The following P2RY10 variants were observed in gnomAD, a reference collection of about 807,000 sequenced individuals.
The protein encoded by P2RY10 is putative P2Y purinoceptor 10.
Under a neutral mutation model 12.1 loss-of-function variants are expected in P2RY10, and 4 were observed. The ratio of observed to expected loss-of-function variants is 0.33; its 90% CI spans 0.16 to 0.76. P2RY10 has a LOEUF of 0.76. P2RY10 is among the 30% of genes least tolerant of loss of function. The pLI is 0.61. For missense variants in P2RY10, 233 were observed against 264.6 expected (o/e 0.88, Z 0.83); for synonymous variants, 112 against 94.1 (o/e 1.19, Z -1.10).
chrX:78,948,885 T>C (rs906435963), intron 2 of P2RY10, among the ~76,000 whole-genome samples: 1 of 111,794 alleles, frequency 8.9e-6, no homozygotes, highest in Non-Finnish European at 1.9e-5. Context: ...GCACATAGAT[T>C]CATTCCACAT....
rs777107252 is a variant in P2RY10, at chrX:78,952,322, A to G, written c.-27A>G. On this transcript the variant is annotated 5_prime_UTR_variant, in exon 3 of 4. Coordinates refer to ENST00000171757, the MANE Select transcript of P2RY10 (RefSeq NM_014499.4). Reference sequence around the variant, plus strand: ...AGGAAGCATGTACCCTGGACAGAGCACTTCAAACTAGAGGTACCAAGAGTA... The same window carrying G: ...AGGAAGCATGTACCCTGGACAGAGCGCTTCAAACTAGAGGTACCAAGAGTA... 1 of 750,799 alleles carries G rather than the reference A, an allele frequency of 1.3e-6. No individual in the cohort carries two copies. The highest frequency in any genetic ancestry group is 8.8e-5 in the Admixed American group (1 of 11,305). The allele number at this position is 750,799 out of a possible 1,213,427, so 61.9% of individuals were successfully genotyped here.
At chrX:78,949,178 G>T in intron 2 of P2RY10, among the ~76,000 whole-genome samples, 1 of 111,155 alleles carries the variant, frequency 9.0e-6, no homozygotes, top group Non-Finnish European at 1.9e-5. Flanking sequence ...TTGGCCATTT[G>T]TATATCTTCT....
chrX:78,950,207 G>A (rs1239586870), intron 2 of P2RY10, among the ~76,000 whole-genome samples: 1 of 111,226 alleles, frequency 9.0e-6, no homozygotes, highest in African/African-American at 3.3e-5. Context: ...AAGATTTATG[G>A]AGTTGGTACC....
chrX:78,947,460 G>A (rs1300320032), intron 1 of P2RY10, among the ~76,000 whole-genome samples: 8 of 111,982 alleles, frequency 7.1e-5, no homozygotes, highest in Non-Finnish European at 1.3e-4. Flanking sequence ...ATACATCACA[G>A]GTAGAGTGAT....
At chrX:78,949,160 C>T (rs1311693139) in intron 2 of P2RY10, among the ~76,000 whole-genome samples, 10 of 110,459 alleles carry the variant, frequency 9.1e-5, no homozygotes, top group African/African-American at 2.3e-4. Context: ...AGCATTTTTT[C>T]GTGTTTGTTG....
In P2RY10 at chrX:78,952,303, C is replaced by T. The variant is rs1922141288; in HGVS notation, c.-46C>T. On this transcript the variant is annotated 5_prime_UTR_variant, in exon 3 of 4. Transcript: ENST00000171757. ...TGGTCCTGACCTTTGGAATAGGAAG[C>T]ATGTACCCTGGACAGAGCACTTCAA... is the stretch of plus-strand genomic sequence containing the variant. 2 of 751,945 alleles carry T rather than the reference C, an allele frequency of 2.7e-6. No individual in the cohort carries two copies. The highest frequency in any genetic ancestry group is 3.1e-6 in the Non-Finnish European group (2 of 637,355). The allele number at this position is 751,945 out of a possible 1,213,427, so 62.0% of individuals were successfully genotyped here.
chrX:78,948,607 C>A (rs1426838382), intron 2 of P2RY10, among the ~76,000 whole-genome samples: 1 of 111,440 alleles, frequency 9.0e-6, no homozygotes, highest in Admixed American at 9.5e-5. Context: ...ATTTTTATGC[C>A]TAGCCTGTCT....
Position 78,962,520 on chromosome X carries a change from C to T in P2RY10, c.*980C>T, listed in dbSNP as rs755833677. Among the ~76,000 whole-genome samples, 1 of 111,765 alleles carries T rather than the reference C, an allele frequency of 8.9e-6. No individual in the cohort carries two copies. The highest frequency in any genetic ancestry group is 3.2e-5 in the African/African-American group (1 of 30,770). ...ATTAGCCTTCAATGATGAAGACAGA[C>T]TAAAGCTAAGCCACATGAGATCAAG... On this transcript the variant is annotated 3_prime_UTR_variant, in exon 4 of 4. Transcript: ENST00000171757.
chrX:78,951,475 G>A (rs1362955713), intron 2 of P2RY10, among the ~76,000 whole-genome samples: 1 of 111,560 alleles, frequency 9.0e-6, no homozygotes, highest in Non-Finnish European at 1.9e-5. Context: ...CTAATGCTCT[G>A]CTAATATGTG....
Position 78,962,347 on chromosome X carries a change from A to G in P2RY10, c.*807A>G. ...CCTAATAAACCTGTGGAAGTTGCCG[A>G]TACAAATGAATAAATGGAACTTCAG... is the stretch of plus-strand genomic sequence containing the variant. On this transcript the variant is annotated 3_prime_UTR_variant, in exon 4 of 4. Transcript: ENST00000171757. 8.9e-6 allele frequency among the ~76,000 whole-genome samples: 1 copy of G among 111,757 alleles called. No individual in the cohort carries two copies. The highest frequency in any genetic ancestry group is 3.2e-5 in the African/African-American group (1 of 30,778).
At chrX:78,948,366 ACT>A (rs751338282) in intron 2 of P2RY10, among the ~76,000 whole-genome samples, 1 of 111,777 alleles carries the variant, frequency 8.9e-6, no homozygotes, top group South Asian at 3.7e-4. Flanking sequence ...CTTGGAGATG[ACT>A]CTGTGTACAA....
chrX:78,948,829 T>A (rs1186896868), intron 2 of P2RY10, among the ~76,000 whole-genome samples: 1 of 112,280 alleles, frequency 8.9e-6, no homozygotes, highest in East Asian at 2.8e-4. Context: ...GAGTATTACA[T>A]AGTGTATATA....
At chrX:78,959,976 G>T (rs1265826312) in intron 3 of P2RY10, among the ~76,000 whole-genome samples, 2 of 111,189 alleles carry the variant, frequency 1.8e-5, no homozygotes, top group Admixed American at 9.6e-5. Context: ...AGATCAGCCG[G>T]GACACTGACA....
In P2RY10 at chrX:78,960,573, C is replaced by T. The variant is rs751759797; in HGVS notation, c.53C>T (p.Thr18Ile). ...ACATTCAAGATGGGTAGCAACAGTA[C>T]CAGCACTGCTGAGATTTACTGTAAT... ...TETFKMGSNSTSTAEIYCNVT... is the reference protein window; with the variant it reads ...TETFKMGSNSISTAEIYCNVT... The change falls in exon 4 of 4, where the codon ACC becomes ATC. Residue 18 changes from threonine (T) to isoleucine (I), a missense_variant. Thr to Ile is a moderately conservative substitution (Grantham distance 89). Coordinates refer to ENST00000171757, the MANE Select transcript of P2RY10 (RefSeq NM_014499.4). 1.7e-6 allele frequency: 2 copies of T among 1,208,228 alleles called. No homozygotes were observed. Among genetic ancestry groups the T allele is most frequent in the Non-Finnish European group, 1.1e-6 (1 of 892,349 alleles).
chrX:78,958,462 A>T (rs1324024443), intron 3 of P2RY10, among the ~76,000 whole-genome samples: 1 of 112,187 alleles, frequency 8.9e-6, no homozygotes, highest in Non-Finnish European at 1.9e-5. Flanking sequence ...CATAGTGGAA[A>T]TACCACACGC....
At chrX:78,955,257 T>G (rs1024005548) in intron 3 of P2RY10, among the ~76,000 whole-genome samples, 1 of 90,080 alleles carries the variant, frequency 1.1e-5, no homozygotes, top group African/African-American at 4.1e-5. Context: ...TTTTAAATGT[T>G]ACCCCTATGG....
chrX:78,963,555 A>G lies in P2RY10; in HGVS notation c.*2015A>G, dbSNP rs886438207. Reference sequence around the variant, plus strand: ...CATATTCCTTCCTTTCAAGTGGTTGATAAAAGGTAGTGCTTCAAGCACAGG... The same window carrying G: ...CATATTCCTTCCTTTCAAGTGGTTGGTAAAAGGTAGTGCTTCAAGCACAGG... On this transcript the variant is annotated 3_prime_UTR_variant, in exon 4 of 4. Transcript: ENST00000171757. 2.7e-5 allele frequency among the ~76,000 whole-genome samples: 3 copies of G among 112,567 alleles called. No homozygotes were observed. The highest frequency in any genetic ancestry group is 9.4e-5 in the Admixed American group (1 of 10,672).
Position 78,962,140 on chromosome X carries a change from C to CT in P2RY10, c.*609dup, listed in dbSNP as rs953020720. 2.7e-5 allele frequency among the ~76,000 whole-genome samples: 3 copies of CT among 109,509 alleles called. No homozygotes were observed. Among genetic ancestry groups the CT allele is most frequent in the Non-Finnish European group, 5.7e-5 (3 of 52,403 alleles). On this transcript the variant is annotated 3_prime_UTR_variant, in exon 4 of 4. Coordinates refer to ENST00000171757, the MANE Select transcript of P2RY10 (RefSeq NM_014499.4). ...TGGTTGTCACTTTGTTAGGTACTTT[C>CT]TTTTTTTTTCATAAGTTATTGGGGT...
chrX:78,959,975 G>A (rs1041678591), intron 3 of P2RY10, among the ~76,000 whole-genome samples: 8 of 111,283 alleles, frequency 7.2e-5, no homozygotes, highest in African/African-American at 2.3e-4. Flanking sequence ...AAGATCAGCC[G>A]GGACACTGAC....
Sources: allele counts gnomAD v4.1 joint callset (sites outside exome capture counted in the v4.1 genomes callset), GRCh38; gene constraint gnomAD v4.1.1; transcripts MANE v1.5; gene names NCBI Gene and HGNC (gene_info 2026-07-23, HGNC 2026-07-21).